DPYD: variants seen among roughly 807,000 people sequenced by gnomAD.
DPYD encodes dihydropyrimidine dehydrogenase [NADP(+)].
Under a neutral mutation model 116.2 loss-of-function variants are expected in DPYD, and 109 were observed. The ratio of observed to expected loss-of-function variants is 0.94; its 90% confidence interval spans 0.80 to 1.10. DPYD has a LOEUF of 1.10. Among genes scored for constraint, DPYD ranks in the 50% least tolerant of loss-of-function variants. The pLI, the probability that DPYD is intolerant of heterozygous loss-of-function variation, is 0.00. For synonymous variants in DPYD, 440 were observed against 432.0 expected (o/e 1.02, Z -0.23); for missense variants, 1,302 against 1,254.5 (o/e 1.04, Z -0.57).
At chr1:97,782,920 C>T (rs185406038) in intron 3 of DPYD, among the ~76,000 whole-genome samples, 3 of 152,126 alleles carry the variant, frequency 2.0e-5, no homozygotes, top group African/African-American at 7.2e-5. Context: ...TAATGTGAGC[C>T]ATGTGAGCCG....
At chr1:97,618,536 C>T (rs929355883) in intron 8 of DPYD, among the ~76,000 whole-genome samples, 1 of 151,824 alleles carries the variant, frequency 6.6e-6, no homozygotes. Flanking sequence ...CCACCATGCC[C>T]GGTTAATTTT....
intron 20 of DPYD, among the ~76,000 whole-genome samples, chr1:97,121,040 T>C (rs1231105478): frequency 1.3e-5 from 2 of 152,156 alleles, no homozygotes; most frequent in African/African-American, 4.8e-5. Flanking sequence ...GTTTTACTCT[T>C]TTCTCTCTGT....
intron 11 of DPYD, 129 bp from the exon 12 acceptor site, chr1:97,549,873 A>G: frequency 1.1e-6 from 1 of 871,968 alleles, no homozygotes; most frequent in Non-Finnish European, 1.7e-6. Context: ...TTTTTAGTAA[A>G]CTATAAAAAT....
intron 12 of DPYD, among the ~76,000 whole-genome samples, chr1:97,539,197 T>C (rs1570925535): frequency 6.6e-6 from 1 of 152,278 alleles, no homozygotes; most frequent in East Asian, 1.9e-4. Flanking sequence ...CAACGGCAAT[T>C]ATTCTGTACA....
At chr1:97,440,711 T>C (rs1675737568) in intron 14 of DPYD, among the ~76,000 whole-genome samples, 2 of 152,206 alleles carry the variant, frequency 1.3e-5, no homozygotes, top group African/African-American at 4.8e-5. Context: ...ATTATCTTAT[T>C]TTTTGTTTAA....
At chr1:97,788,480 C>T (rs1036409559) in intron 3 of DPYD, among the ~76,000 whole-genome samples, 106 of 152,214 alleles carry the variant, frequency 7.0e-4, no homozygotes, top group African/African-American at 1.9e-3. Context: ...GCATCAGCGG[C>T]GCTCCCACAT....
intron 20 of DPYD, among the ~76,000 whole-genome samples, chr1:97,155,557 G>A (rs763454410): frequency 5.3e-5 from 8 of 152,022 alleles, no homozygotes; most frequent in Non-Finnish European, 1.2e-4. Flanking sequence ...ACTATAATTT[G>A]TTCTTCACTT....
chr1:97,785,218 C>G (rs564081740), intron 3 of DPYD, among the ~76,000 whole-genome samples: 2 of 152,116 alleles, frequency 1.3e-5, no homozygotes, highest in Non-Finnish European at 2.9e-5. Flanking sequence ...GTCCATTGAA[C>G]GTTTAATAAT....
intron 13 of DPYD, among the ~76,000 whole-genome samples, chr1:97,456,796 T>C (rs1167390369): frequency 5.9e-5 from 9 of 152,094 alleles, no homozygotes; most frequent in Non-Finnish European, 2.9e-5. Context: ...AGGATAATTA[T>C]CTAGGAAAAT....
At chr1:97,689,129 A>G (rs1278133413) in intron 7 of DPYD, among the ~76,000 whole-genome samples, 4 of 151,564 alleles carry the variant, frequency 2.6e-5, no homozygotes, top group Non-Finnish European at 4.4e-5. Context: ...TAATGTACAA[A>G]TAACAAACAA....
At position 97,556,351 on chromosome 1, in the gene DPYD, AT is replaced by A. The variant is rs536136736; in HGVS notation, c.1340-6608del. 3.0e-3 allele frequency among the ~76,000 whole-genome samples: 447 copies of A among 146,634 alleles called. 1 individual carries two copies. Among genetic ancestry groups the A allele is most frequent in the African/African-American group, 0.01 (414 of 39,654 alleles). On this transcript the variant is annotated intron_variant, in intron 11 of 22. Coordinates refer to ENST00000370192, the MANE Select transcript of DPYD (RefSeq NM_000110.4). ...TTTTTTTTTATTTTATTTTATTATGATTTTTTTCTTTTTTTTATTATACTTT... is the reference window on the plus strand; with the variant it reads ...TTTTTTTTTATTTTATTTTATTATGATTTTTTCTTTTTTTTATTATACTTT...
intron 21 of DPYD, among the ~76,000 whole-genome samples, chr1:97,087,210 A>T (rs1282741537): frequency 6.6e-6 from 1 of 152,204 alleles, no homozygotes. Flanking sequence ...TTTGGGAAAG[A>T]ACCTGGAGCA....
At chr1:97,714,517 C>A (rs909548554) in intron 5 of DPYD, among the ~76,000 whole-genome samples, 12 of 151,798 alleles carry the variant, frequency 7.9e-5, no homozygotes, top group Non-Finnish European at 1.5e-4. Flanking sequence ...CCCATATAGA[C>A]CCCTTCTAAG....
intron 16 of DPYD, among the ~76,000 whole-genome samples, chr1:97,313,265 T>G (rs1463640331): frequency 6.6e-6 from 1 of 151,874 alleles, no homozygotes; most frequent in African/African-American, 2.4e-5. Context: ...TCTATGTACT[T>G]GGAGGAAAAT....
intron 8 of DPYD, among the ~76,000 whole-genome samples, chr1:97,669,029 G>C (rs778163073): frequency 6.6e-6 from 1 of 150,896 alleles, no homozygotes; most frequent in Non-Finnish European, 1.5e-5. Flanking sequence ...GATGCACAAC[G>C]TATCTCAGTA....
At chr1:97,370,454 A>C (rs1384555767) in intron 16 of DPYD, among the ~76,000 whole-genome samples, 1 of 152,092 alleles carries the variant, frequency 6.6e-6, no homozygotes, top group African/African-American at 2.4e-5. Flanking sequence ...CATTAGGACA[A>C]ATATCTAATG....
chr1:97,447,132 A>G (rs1345676551), intron 14 of DPYD, among the ~76,000 whole-genome samples: 1 of 152,208 alleles, frequency 6.6e-6, no homozygotes, highest in Non-Finnish European at 1.5e-5. Context: ...CTCTGGAAAC[A>G]GAGACATTAG....
At chr1:97,729,823 A>G (rs1363738396) in intron 4 of DPYD, among the ~76,000 whole-genome samples, 1 of 152,196 alleles carries the variant, frequency 6.6e-6, no homozygotes, top group Non-Finnish European at 1.5e-5. Context: ...ATGTGTGCAC[A>G]TGTATTCAAT....
rs1655155467 is a variant in DPYD, at chr1:97,153,117, G to A, written c.2622+39952C>T. ...CTAGTAGAGGCATTCTTTGGTCAAGGCAAAACTGCAGTATTCTCTGTAGCT... is the reference window on the plus strand; with the variant it reads ...CTAGTAGAGGCATTCTTTGGTCAAGACAAAACTGCAGTATTCTCTGTAGCT... On this transcript the variant is annotated intron_variant, in intron 20 of 22. Transcript: ENST00000370192. Among the ~76,000 whole-genome samples, 3 of 151,970 alleles carry A rather than the reference G, an allele frequency of 2.0e-5. No homozygotes were observed. The South Asian group carries it at 6.2e-4, about 32-fold the overall frequency.
Sources: gnomAD v4.1 joint callset for allele counts (sites outside exome capture counted in the v4.1 genomes callset) on GRCh38, gnomAD v4.1.1 for gene constraint, MANE v1.5 for transcripts, NCBI Gene and HGNC (gene_info 2026-07-23, HGNC 2026-07-21) for gene names.